WNK3: variants seen among roughly 807,000 people sequenced by gnomAD.
WNK3 encodes the protein serine/threonine-protein kinase WNK3.
In WNK3, 18 loss-of-function variants were observed where a neutral mutation model predicts 116.7. The observed-to-expected ratio is 0.15, with a 90% CI of 0.11 to 0.23. WNK3 has a LOEUF of 0.23. Among genes scored for constraint, WNK3 ranks in the 10% least tolerant of loss-of-function variants. The pLI is 1.00. For synonymous variants in WNK3, 404 were observed against 469.4 expected, an observed-to-expected ratio of 0.86 and a Z score of 1.80; for missense variants, 993 against 1,323.8, an observed-to-expected ratio of 0.75 and a Z score of 3.88.
At chrX:54,210,465 A>T (rs1403047997) in intron 22 of WNK3, among the ~76,000 whole-genome samples, 3 of 111,057 alleles carry the variant, frequency 2.7e-5, no homozygotes, top group African/African-American at 9.8e-5. Flanking sequence ...TACAAAAAAA[A>T]TTTTAAAAAA....
chrX:54,255,872 C>T lies in WNK3; in HGVS notation c.2118G>A (p.Val706=), dbSNP rs1002239943. Residue 706 remains valine, a synonymous_variant, in exon 12 of 24, where the codon GTG becomes GTA. Coordinates refer to ENST00000354646, the Ensembl canonical transcript of WNK3. ...TACTGACGTTTTCCTTCGTAGTTGC[C>T]ACATCTTGATTCAAGCTAGTAATAT... 4 of 1,197,079 alleles carry T rather than the reference C, an allele frequency of 3.3e-6. No homozygotes were observed. In the African/African-American group the frequency reaches 5.3e-5, roughly 16 times the overall value.
intron 6 of WNK3, among the ~76,000 whole-genome samples, chrX:54,298,852 G>A (rs3021282): frequency 0.027 from 3,008 of 112,065 alleles, 109 homozygotes; most frequent in African/African-American, 0.094. Flanking sequence ...TCTAAAGTAC[G>A]TTAAAAATTC....
chrX:54,287,957 G>A (rs782757172), intron 10 of WNK3, among the ~76,000 whole-genome samples: 3 of 112,411 alleles, frequency 2.7e-5, no homozygotes, highest in South Asian at 3.7e-4. Flanking sequence ...CAGTGGAAGC[G>A]TCTACCAGAA....
At chrX:54,223,745 G>T in intron 22 of WNK3, 1 of 162,240 alleles carries the variant, frequency 6.2e-6, no homozygotes, top group South Asian at 1.1e-4. Context: ...CCTTGGTGGA[G>T]AACAAGAAAG....
At chrX:54,345,284 ATGTATGTATG>A (rs1569539568) in intron 1 of WNK3, among the ~76,000 whole-genome samples, 2 of 68,594 alleles carry the variant, frequency 2.9e-5, no homozygotes, top group African/African-American at 1.8e-4. Context: ...CTATATATAT[ATGTATGTATG>A]TATGTATGTA....
At chrX:54,245,467 A>G (rs1420667065) in intron 17 of WNK3, among the ~76,000 whole-genome samples, 1 of 110,165 alleles carries the variant, frequency 9.1e-6, no homozygotes, top group African/African-American at 3.3e-5. Context: ...AGCCTGGGTA[A>G]TGGAGTGAGA....
intron 10 of WNK3, among the ~76,000 whole-genome samples, chrX:54,269,304 T>C (rs1401563936): frequency 9.0e-6 from 1 of 111,707 alleles, no homozygotes; most frequent in Middle Eastern, 4.2e-3. Context: ...TATTTGAATC[T>C]CTAATAATTA....
At chrX:54,209,886 T>C (rs1557143431) in intron 22 of WNK3, among the ~76,000 whole-genome samples, 2 of 111,240 alleles carry the variant, frequency 1.8e-5, no homozygotes, top group Non-Finnish European at 3.8e-5. Flanking sequence ...CCTGGTAAAA[T>C]TGTTTTGGGA....
chrX:54,339,708 G>A (rs782017493), intron 1 of WNK3, among the ~76,000 whole-genome samples: 4 of 111,893 alleles, frequency 3.6e-5, no homozygotes, highest in African/African-American at 9.7e-5. Flanking sequence ...CCCCGACCTC[G>A]TACCATACAC....
At chrX:54,312,594 C>T (rs1227090652) in intron 2 of WNK3, among the ~76,000 whole-genome samples, 6 of 109,518 alleles carry the variant, frequency 5.5e-5, no homozygotes, top group African/African-American at 1.3e-4. Context: ...CCCACCACCA[C>T]GCCCGGCTAA....
intron 22 of WNK3, among the ~76,000 whole-genome samples, chrX:54,212,748 G>C: frequency 8.9e-6 from 1 of 111,996 alleles, no homozygotes. Context: ...GGAGGTTACA[G>C]ATAAGCAAAT....
At chrX:54,336,170 T>C (rs1380620594) in intron 1 of WNK3, among the ~76,000 whole-genome samples, 1 of 110,787 alleles carries the variant, frequency 9.0e-6, no homozygotes, top group African/African-American at 3.3e-5. Context: ...GTGCCTGTAG[T>C]CCCAGCTACT....
chrX:54,306,257 A>T (rs1256469876), intron 5 of WNK3, among the ~76,000 whole-genome samples: 1 of 111,042 alleles, frequency 9.0e-6, no homozygotes, highest in Non-Finnish European at 1.9e-5. Flanking sequence ...CCCCAAAAAA[A>T]CTAAAAACAG....
At position 54,204,035 on chromosome X, in the gene WNK3, T is replaced by A. The variant is rs782605093; in HGVS notation, c.4871-1842A>T. ...AGATATTACTTAATAAAGGGAAACA[T>A]GACAATCTCAATGATTGCATATGCA... is the stretch of plus-strand genomic sequence containing the variant. On this transcript the variant is annotated intron_variant, in intron 22 of 23. Coordinates refer to ENST00000354646, the Ensembl canonical transcript of WNK3. 1.2e-4 allele frequency among the ~76,000 whole-genome samples: 13 copies of A among 112,064 alleles called. No homozygotes were observed. In the East Asian group the frequency reaches 3.6e-3, roughly 31 times the overall value.
exon 17 of WNK3, chrX:54,248,786 T>G (rs1312325148): frequency 2.5e-6 from 3 of 1,210,237 alleles, no homozygotes; most frequent in Non-Finnish European, 3.4e-6. Context: ...GCAGCCACAT[T>G]GGACAGAAGC....
intron 17 of WNK3, among the ~76,000 whole-genome samples, chrX:54,242,907 C>A (rs996307301): frequency 2.7e-5 from 3 of 111,891 alleles, no homozygotes; most frequent in Non-Finnish European, 5.6e-5. Flanking sequence ...GACAAACCTA[C>A]AGAATGGGAG....
chrX:54,308,550 AATTT>A (rs781893955), intron 4 of WNK3, among the ~76,000 whole-genome samples: 1 of 111,824 alleles, frequency 8.9e-6, no homozygotes, highest in Non-Finnish European at 1.9e-5. Context: ...GCACTGAAAT[AATTT>A]ATTTAATTTT....
chrX:54,221,211 C>A (rs1284733862), intron 22 of WNK3, among the ~76,000 whole-genome samples: 1 of 111,887 alleles, frequency 8.9e-6, no homozygotes, highest in African/African-American at 3.2e-5. Context: ...TAAAGTGAGT[C>A]CTTTAGGATG....
At chrX:54,210,533 A>C (rs1557143565) in intron 22 of WNK3, among the ~76,000 whole-genome samples, 1 of 111,644 alleles carries the variant, frequency 9.0e-6, no homozygotes, top group Non-Finnish European at 1.9e-5. Context: ...AGGCTGAGGC[A>C]GGAGGATTGC....
Sources: allele counts gnomAD v4.1 joint callset (sites outside exome capture counted in the v4.1 genomes callset), GRCh38; gene constraint gnomAD v4.1.1; transcripts MANE v1.5; gene names NCBI Gene and HGNC (gene_info 2026-07-23, HGNC 2026-07-21).